The following FAAH2 variants were observed in gnomAD, a reference collection of about 807,000 sequenced individuals.
FAAH2 encodes the protein fatty-acid amide hydrolase 2.
FAAH2 carries 60 observed loss-of-function variants against 36.9 expected under a neutral mutation model. The ratio of observed to expected loss-of-function variants is 1.63; its 90% CI spans 1.32 to 2.02. The LOEUF (loss-of-function observed/expected upper bound fraction) is 2.02. Ranked by LOEUF, FAAH2 falls within the 30% of genes most tolerant of loss-of-function variation. The probability of loss-of-function intolerance (pLI) is 0.00; values close to 1 mark genes in which losing one functional copy is unlikely to be tolerated. For synonymous variants in FAAH2, 214 were observed against 143.8 expected, an observed-to-expected ratio of 1.49 and a Z score of -3.49; for missense variants, 689 against 397.5, an observed-to-expected ratio of 1.73 and a Z score of -6.23.
In FAAH2 at chrX:57,448,693, A is replaced by T. The variant is rs375354837; in HGVS notation, c.1398A>T (p.Thr466=). 3 of 1,207,718 alleles carry T rather than the reference A, an allele frequency of 2.5e-6. No homozygotes were observed. The highest frequency in any genetic ancestry group is 3.5e-5 in the African/African-American group (2 of 57,046). The part of the protein sequence containing the change: ...TVAPKHHVPL[T]RPFNFAYTGV... The stretch of plus-strand genomic sequence containing the variant: ...CACCTAAGCATCATGTCCCTCTAAC[A>T]CGGCCTTTCAACTTTGCTTACACAG... Residue 466 remains threonine, a synonymous_variant, in exon 10 of 11, where the codon ACA becomes ACT. Coordinates refer to ENST00000374900, the MANE Select transcript of FAAH2 (RefSeq NM_174912.4).
intron 5 of FAAH2, among the ~76,000 whole-genome samples, chrX:57,358,220 A>G (rs747479475): frequency 9.1e-6 from 1 of 109,296 alleles, no homozygotes; most frequent in Non-Finnish European, 1.9e-5. Context: ...TTAACATGAC[A>G]CCTACCCTCT....
chrX:57,300,870 T>C (rs2052338021), intron 2 of FAAH2, among the ~76,000 whole-genome samples: 1 of 112,202 alleles, frequency 8.9e-6, no homozygotes, highest in Non-Finnish European at 1.9e-5. Context: ...ATGCTCATCA[T>C]CACTGGCCAT....
chrX:57,319,122 G>A (rs1186714966), intron 3 of FAAH2, among the ~76,000 whole-genome samples: 1 of 111,977 alleles, frequency 8.9e-6, no homozygotes, highest in Non-Finnish European at 1.9e-5. Context: ...AGACAAGGAT[G>A]CCCTCTCTCA....
At chrX:57,329,080 A>G (rs1260434880) in intron 3 of FAAH2, among the ~76,000 whole-genome samples, 1 of 111,789 alleles carries the variant, frequency 8.9e-6, no homozygotes, top group Non-Finnish European at 1.9e-5. Context: ...TGCAACTCCC[A>G]CTGCAGTATG....
At chrX:57,144,921 C>T in the FAAH2 span, among the ~76,000 whole-genome samples, 1 of 80,277 alleles carries the variant, frequency 1.2e-5, no homozygotes, top group Non-Finnish European at 2.1e-5. Flanking sequence ...TATGTGTGTG[C>T]ATACACACAC....
the FAAH2 span, among the ~76,000 whole-genome samples, chrX:57,176,615 A>C: frequency 1.8e-5 from 2 of 111,791 alleles, no homozygotes; most frequent in African/African-American, 6.5e-5. Flanking sequence ...CTGGAGAGAT[A>C]GTATGATCTT....
At chrX:57,333,234 T>C (rs1412876209) in intron 4 of FAAH2, among the ~76,000 whole-genome samples, 2 of 111,762 alleles carry the variant, frequency 1.8e-5, no homozygotes, top group Non-Finnish European at 3.8e-5. Context: ...TTGAAAATTT[T>C]ACACCTGACA....
chrX:57,186,438 G>T, the FAAH2 span, among the ~76,000 whole-genome samples: 1 of 111,597 alleles, frequency 9.0e-6, no homozygotes, highest in African/African-American at 3.3e-5. Flanking sequence ...ATTTGTTTAA[G>T]TTCCTTTTAG....
At chrX:57,173,242 C>T in the FAAH2 span, among the ~76,000 whole-genome samples, 2 of 112,352 alleles carry the variant, frequency 1.8e-5, no homozygotes, top group African/African-American at 6.5e-5. Context: ...TCTGTGTCAT[C>T]TATTATTTCT....
intron 3 of FAAH2, among the ~76,000 whole-genome samples, chrX:57,324,243 G>C (rs1212932610): frequency 8.9e-6 from 1 of 111,870 alleles, no homozygotes; most frequent in Non-Finnish European, 1.9e-5. Context: ...GGTTACTGTA[G>C]CCTTTAGTAT....
At chrX:57,411,112 A>T (rs1252456252) in intron 7 of FAAH2, among the ~76,000 whole-genome samples, 1 of 111,759 alleles carries the variant, frequency 8.9e-6, no homozygotes, top group Non-Finnish European at 1.9e-5. Context: ...GCCCAGCCAG[A>T]TATTCTGGGA....
At chrX:57,254,121 T>A in the FAAH2 span, among the ~76,000 whole-genome samples, 7,773 of 105,644 alleles carry the variant, frequency 0.074, 699 homozygotes, top group African/African-American at 0.25. Flanking sequence ...AGGCAAGGGG[T>A]GCAATCCTGG....
At chrX:57,449,864 C>T (rs752089948) in intron 10 of FAAH2, among the ~76,000 whole-genome samples, 94 of 111,548 alleles carry the variant, frequency 8.4e-4, no homozygotes, top group African/African-American at 2.8e-3. Context: ...ACAGGTTTCA[C>T]CATGTTGGCC....
At chrX:57,435,051 A>G (rs374673624) in intron 8 of FAAH2, among the ~76,000 whole-genome samples, 10 of 111,890 alleles carry the variant, frequency 8.9e-5, no homozygotes, top group Non-Finnish European at 1.7e-4. Context: ...GGAGAAATAA[A>G]GTCTTTTCCA....
At chrX:57,366,978 A>G (rs1375851289) in intron 5 of FAAH2, among the ~76,000 whole-genome samples, 1 of 112,229 alleles carries the variant, frequency 8.9e-6, no homozygotes, top group East Asian at 2.8e-4. Context: ...TGGACTCCAT[A>G]CAGGCTGGAG....
chrX:57,155,398 T>C, the FAAH2 span, among the ~76,000 whole-genome samples: 1 of 111,291 alleles, frequency 9.0e-6, no homozygotes, highest in South Asian at 3.8e-4. Context: ...CCCAGGAGGA[T>C]TATGGCTGCC....
upstream of FAAH2, among the ~76,000 whole-genome samples, chrX:57,284,063 T>G (rs1171517444): frequency 9.0e-6 from 1 of 111,671 alleles, no homozygotes; most frequent in Non-Finnish European, 1.9e-5. Flanking sequence ...GATGAGAACA[T>G]GAGCGTGGAA....
At chrX:57,479,182 TCTC>T (rs775719881) in intron 10 of FAAH2, among the ~76,000 whole-genome samples, 1 of 111,384 alleles carries the variant, frequency 9.0e-6, no homozygotes, top group East Asian at 2.8e-4. Flanking sequence ...GGTTTGTAGT[TCTC>T]CTTGAAGAGG....
At chrX:57,481,911 C>T (rs1336538755) in intron 10 of FAAH2, among the ~76,000 whole-genome samples, 1 of 111,927 alleles carries the variant, frequency 8.9e-6, no homozygotes, top group East Asian at 2.8e-4. Context: ...TGTCTGTAAG[C>T]ACCCGACTGG....
Sources: allele counts gnomAD v4.1 joint callset (sites outside exome capture counted in the v4.1 genomes callset), GRCh38; gene constraint gnomAD v4.1.1; transcripts MANE v1.5; gene names NCBI Gene and HGNC (gene_info 2026-07-23, HGNC 2026-07-21).